Variants in PRKCH observed in about 807,000 individuals in gnomAD.
PRKCH encodes protein kinase C eta, also known as protein kinase C eta type.
Under a neutral mutation model 82.5 loss-of-function variants are expected in PRKCH, and 28 were observed. The ratio of observed to expected loss-of-function variants is 0.34; its 90% CI spans 0.25 to 0.47. PRKCH has a LOEUF of 0.47. PRKCH is among the 20% of genes least tolerant of loss of function. The pLI, the probability that PRKCH is intolerant of heterozygous loss-of-function variation, is 1.00. For missense variants in PRKCH, 705 were observed against 881.8 expected, an observed-to-expected ratio of 0.80 and a Z score of 2.54; for synonymous variants, 322 against 327.4, an observed-to-expected ratio of 0.98 and a Z score of 0.18.
At chr14:61,265,774 G>A (rs146906939) in intron 1 of PRKCH, among the ~76,000 whole-genome samples, 52 of 152,206 alleles carry the variant, frequency 3.4e-4, no homozygotes, top group African/African-American at 1.2e-3. Context: ...ACTGGGCTAG[G>A]AGAATAAGAT....
chr14:61,388,627 A>G lies in PRKCH; in HGVS notation c.364-2598A>G, dbSNP rs542269843. Among the ~76,000 whole-genome samples, 32 of 152,264 alleles carry G rather than the reference A, an allele frequency of 2.1e-4. No homozygotes were observed. The South Asian group carries it at 6.2e-3, about 30-fold the overall frequency. On this transcript the variant is annotated intron_variant, in intron 1 of 13. Transcript: ENST00000332981. ...TCTCTGGCAGGCCTTTATATTGAAG[A>G]TGAGGGAGTGTGGCTTTTAAAAATA...
intron 1 of PRKCH, among the ~76,000 whole-genome samples, chr14:61,213,482 T>G (rs2044596721): frequency 6.6e-6 from 1 of 152,252 alleles, no homozygotes; most frequent in Non-Finnish European, 1.5e-5. Flanking sequence ...TGGGGTTTTG[T>G]ATTCATTTAT....
intron 1 of PRKCH, among the ~76,000 whole-genome samples, chr14:61,222,275 A>C (rs915777378): frequency 9.2e-5 from 14 of 152,348 alleles, no homozygotes; most frequent in Non-Finnish European, 1.6e-4. Context: ...GAAATCTTTC[A>C]AAATTATTCT....
At chr14:61,339,206 T>C (rs1224092134) in intron 1 of PRKCH, among the ~76,000 whole-genome samples, 2 of 151,978 alleles carry the variant, frequency 1.3e-5, no homozygotes, top group Non-Finnish European at 2.9e-5. Flanking sequence ...TGGCCTCCTG[T>C]TCAGGCTTAG....
At chr14:61,388,764 G>C (rs374761161) in intron 1 of PRKCH, among the ~76,000 whole-genome samples, 2 of 152,148 alleles carry the variant, frequency 1.3e-5, no homozygotes, top group Non-Finnish European at 2.9e-5. Flanking sequence ...TTCTATAAAG[G>C]TTCACAAGTG....
chr14:61,396,363 C>A (rs2046783303), intron 2 of PRKCH, among the ~76,000 whole-genome samples: 1 of 152,090 alleles, frequency 6.6e-6, no homozygotes, highest in Non-Finnish European at 1.5e-5. Context: ...TGAATTAGCT[C>A]AGGCAAAACT....
At chr14:61,457,142 C>A in intron 7 of PRKCH, 34 bp from the exon 8 acceptor site, 1 of 1,607,384 alleles carries the variant, frequency 6.2e-7, no homozygotes, top group Non-Finnish European at 8.5e-7. Flanking sequence ...GCTTCTGCTG[C>A]AATTTCTGAC....
chr14:61,243,894 T>C (rs552202250), intron 1 of PRKCH, among the ~76,000 whole-genome samples: 4 of 151,776 alleles, frequency 2.6e-5, no homozygotes, highest in Admixed American at 2.6e-4. Context: ...GAGGTTTGCC[T>C]GAGCCCAGGA....
chr14:61,199,795 G>A (rs2044466226), intron 1 of PRKCH, among the ~76,000 whole-genome samples: 1 of 152,256 alleles, frequency 6.6e-6, no homozygotes, highest in South Asian at 2.1e-4. Context: ...TGGTCTTCAG[G>A]AAAGTTTGGC....
Position 61,402,311 on chromosome 14 carries a change from T to C in PRKCH, c.427+11023T>C, listed in dbSNP as rs139807732. On this transcript the variant is annotated intron_variant, in intron 2 of 13. Coordinates refer to ENST00000332981, the MANE Select transcript of PRKCH (RefSeq NM_006255.5). The stretch of plus-strand genomic sequence containing the variant: ...GTATGAAAAGTTCATTGATACAGTT[T>C]TATATTGCAACCAACTTTTGAGAAA... Among the ~76,000 whole-genome samples the C allele has an allele frequency of 4.4e-3, 678 of 152,374 alleles. 2 individuals are homozygous for C. Among genetic ancestry groups the C allele is most frequent in the Middle Eastern group, 6.8e-3 (2 of 294 alleles).
intron 10 of PRKCH, among the ~76,000 whole-genome samples, chr14:61,512,928 C>T (rs201166889): frequency 3.3e-5 from 5 of 151,902 alleles, no homozygotes; most frequent in Non-Finnish European, 5.9e-5. Context: ...GTGATCCTTC[C>T]ACCTCAGTCT....
chr14:61,427,944 A>G (rs927862342), intron 2 of PRKCH, among the ~76,000 whole-genome samples: 2 of 151,802 alleles, frequency 1.3e-5, no homozygotes, highest in Non-Finnish European at 2.9e-5. Flanking sequence ...CTATAATCCT[A>G]GCACTTTGGG....
chr14:61,289,345 G>A (rs1400551373), intron 1 of PRKCH, among the ~76,000 whole-genome samples: 1 of 152,162 alleles, frequency 6.6e-6, no homozygotes, highest in African/African-American at 2.4e-5. Context: ...ATCCTTAAAA[G>A]GCAAGGAGTG....
At chr14:61,384,112 T>C (rs1423960525) in intron 1 of PRKCH, among the ~76,000 whole-genome samples, 1 of 152,064 alleles carries the variant, frequency 6.6e-6, no homozygotes, top group Admixed American at 6.5e-5. Flanking sequence ...ACAGGGATCC[T>C]AGAATGATGG....
chr14:61,494,869 CTG>C (rs1886598138), intron 10 of PRKCH, among the ~76,000 whole-genome samples: 1 of 152,190 alleles, frequency 6.6e-6, no homozygotes, highest in Non-Finnish European at 1.5e-5. Flanking sequence ...ATCATTTTCT[CTG>C]TATTTTCACA....
At chr14:61,443,070 C>T in intron 2 of PRKCH, 41 bp from the exon 3 acceptor site, 2 of 1,583,342 alleles carry the variant, frequency 1.3e-6, no homozygotes, top group Non-Finnish European at 1.7e-6. Context: ...GCGTTAGGTT[C>T]CTTACATCTT....
chr14:61,449,900 CTG>C (rs57980810), intron 5 of PRKCH, among the ~76,000 whole-genome samples: 1,007 of 36,756 alleles, frequency 0.027, 5 homozygotes, highest in African/African-American at 0.042. Flanking sequence ...CTCTCTCTCT[CTG>C]TGTGTGTGTG....
intron 10 of PRKCH, among the ~76,000 whole-genome samples, chr14:61,526,850 C>T (rs2140001564): frequency 6.6e-6 from 1 of 152,382 alleles, no homozygotes; most frequent in African/African-American, 2.4e-5. Flanking sequence ...CCACAAAGCT[C>T]CAGGCCACCT....
chr14:61,338,209 C>T (rs927124441), intron 1 of PRKCH, among the ~76,000 whole-genome samples: 1 of 152,128 alleles, frequency 6.6e-6, no homozygotes, highest in Non-Finnish European at 1.5e-5. Flanking sequence ...TAGTAAAGTA[C>T]CCTGCACATG....
Sources: allele counts gnomAD v4.1 joint callset (sites outside exome capture counted in the v4.1 genomes callset), GRCh38; gene constraint gnomAD v4.1.1; transcripts MANE v1.5; gene names NCBI Gene and HGNC (gene_info 2026-07-23, HGNC 2026-07-21).